The following ORC4 variants were observed in gnomAD, a reference collection of about 807,000 sequenced individuals.
ORC4 encodes origin recognition complex, subunit 4 homolog.
A neutral mutation model predicts 63.9 loss-of-function variants in ORC4; 55 were observed. That is an observed-to-expected ratio of 0.86 (90% CI 0.69 to 1.08). The LOEUF (loss-of-function observed/expected upper bound fraction) is 1.08. Ranked by LOEUF, ORC4 falls within the 50% of genes least tolerant of loss-of-function variation. ORC4 has a pLI of 0.00. For synonymous variants in ORC4, 150 were observed against 168.5 expected, an observed-to-expected ratio of 0.89 and a Z score of 0.85; for missense variants, 511 against 504.4, an observed-to-expected ratio of 1.01 and a Z score of -0.13.
At chr2:147,977,489 C>A (rs562150791) in intron 1 of ORC4, among the ~76,000 whole-genome samples, 50 of 152,318 alleles carry the variant, frequency 3.3e-4, no homozygotes, top group Admixed American at 5.2e-4. Context: ...CAGCCACCCA[C>A]GGACAAAATG....
intron 6 of ORC4, 94 bp downstream of exon 6, chr2:147,958,204 C>A: frequency 2.6e-6 from 2 of 759,242 alleles, no homozygotes; most frequent in Non-Finnish European, 2.2e-6. Flanking sequence ...AATTTCTGAA[C>A]CTCTCCCTAC....
intron 1 of ORC4, among the ~76,000 whole-genome samples, chr2:148,013,666 A>G (rs1269483621): frequency 6.6e-6 from 1 of 152,208 alleles, no homozygotes; most frequent in Non-Finnish European, 1.5e-5. Flanking sequence ...TTGTATGCTT[A>G]TATCAAATAT....
At chr2:148,019,168 A>G (rs1480511270) in intron 1 of ORC4, among the ~76,000 whole-genome samples, 1 of 152,202 alleles carries the variant, frequency 6.6e-6, no homozygotes, top group Non-Finnish European at 1.5e-5. Context: ...TCCATCGGAC[A>G]TGATTACCGT....
chr2:147,961,840 T>C (rs927310526), intron 4 of ORC4, among the ~76,000 whole-genome samples: 1 of 152,218 alleles, frequency 6.6e-6, no homozygotes. Flanking sequence ...TAAATTTCAG[T>C]ACATTGATTA....
chr2:147,952,652 A>G, intron 7 of ORC4, 128 bp from the exon 8 acceptor site: 1 of 742,720 alleles, frequency 1.3e-6, no homozygotes, highest in Non-Finnish European at 2.3e-6. Flanking sequence ...TACTTTGGGT[A>G]GGGGATTTAC....
At chr2:147,968,253 A>C (rs1252505175) in intron 4 of ORC4, among the ~76,000 whole-genome samples, 1 of 152,096 alleles carries the variant, frequency 6.6e-6, no homozygotes, top group Non-Finnish European at 1.5e-5. Context: ...TTATGAATAA[A>C]AACTGCAAAT....
chr2:147,938,842 A>C (rs1688205943), intron 11 of ORC4, among the ~76,000 whole-genome samples: 1 of 152,160 alleles, frequency 6.6e-6, no homozygotes, highest in African/African-American at 2.4e-5. Context: ...AGGAAATAAC[A>C]AACCCAAAAT....
At chr2:147,942,734 T>C (rs565464646) in intron 10 of ORC4, among the ~76,000 whole-genome samples, 2 of 151,946 alleles carry the variant, frequency 1.3e-5, no homozygotes, top group African/African-American at 4.8e-5. Flanking sequence ...ACACTGGAAA[T>C]TCTAGCCATT....
intron 7 of ORC4, among the ~76,000 whole-genome samples, 161 bp downstream of exon 7, chr2:147,955,186 T>C (rs1403401199): frequency 2.0e-5 from 3 of 151,688 alleles, no homozygotes; most frequent in African/African-American, 4.8e-5. Context: ...AGATAATCAC[T>C]GTTATAGTGG....
intron 4 of ORC4, among the ~76,000 whole-genome samples, chr2:147,959,634 T>C (rs567305212): frequency 3.9e-5 from 6 of 152,248 alleles, no homozygotes; most frequent in Middle Eastern, 3.4e-3. Context: ...TATTTGTCAT[T>C]GCAACACCTT....
chr2:147,992,320 G>A (rs1478361318), intron 1 of ORC4, among the ~76,000 whole-genome samples: 3 of 152,094 alleles, frequency 2.0e-5, no homozygotes, highest in African/African-American at 7.2e-5. Context: ...GCAGTGGCAC[G>A]ATAATAGCTC....
intron 2 of ORC4, among the ~76,000 whole-genome samples, chr2:147,974,805 CT>C (rs1357555394): frequency 1.6e-5 from 2 of 127,914 alleles, no homozygotes; most frequent in Non-Finnish European, 3.2e-5. Flanking sequence ...CAATCTTTTC[CT>C]TAAAAAAAAA....
At chr2:147,962,442 G>C (rs895775658) in intron 4 of ORC4, among the ~76,000 whole-genome samples, 1 of 152,118 alleles carries the variant, frequency 6.6e-6, no homozygotes, top group African/African-American at 2.4e-5. Context: ...CCCGCTCTGT[G>C]GGCCAGTAGT....
intron 4 of ORC4, among the ~76,000 whole-genome samples, chr2:147,971,302 ATAT>A (rs1690195468): frequency 1.3e-5 from 2 of 151,760 alleles, no homozygotes; most frequent in Admixed American, 6.6e-5. Context: ...GAAAAGAATA[ATAT>A]TCTTTTAATA....
chr2:147,943,006 A>G lies in ORC4; in HGVS notation c.849+430T>C, dbSNP rs537807163. Among the ~76,000 whole-genome samples the G allele has an allele frequency of 9.9e-5, 15 of 152,282 alleles. No individual in the cohort carries two copies. The South Asian group carries it at 2.5e-3, about 25-fold the overall frequency. ...AATATGTGGGAAACCAAAATTTCAA[A>G]ACCCATTTACAATTGTTCTAACAAA... On this transcript the variant is annotated intron_variant, in intron 10 of 13. Transcript: ENST00000392857.
chr2:147,941,972 T>C (rs1407279519), intron 10 of ORC4, among the ~76,000 whole-genome samples: 1 of 152,108 alleles, frequency 6.6e-6, no homozygotes, highest in Non-Finnish European at 1.5e-5. Context: ...GGGTGAACCA[T>C]ACAGCCAAGT....
chr2:147,961,630 G>C (rs1221187158), intron 4 of ORC4, among the ~76,000 whole-genome samples: 1 of 151,982 alleles, frequency 6.6e-6, no homozygotes, highest in Non-Finnish European at 1.5e-5. Flanking sequence ...GAGTACATCA[G>C]GAATATATGA....
chr2:147,977,486 C>G (rs1015007409), intron 1 of ORC4, among the ~76,000 whole-genome samples: 2 of 152,134 alleles, frequency 1.3e-5, no homozygotes, highest in Admixed American at 6.5e-5. Flanking sequence ...TCACAGCCAC[C>G]CACGGACAAA....
chr2:147,937,628 T>C (rs971554326), intron 13 of ORC4, among the ~76,000 whole-genome samples: 1 of 152,212 alleles, frequency 6.6e-6, no homozygotes, highest in Non-Finnish European at 1.5e-5. Context: ...TTTATTTTTC[T>C]TACAGGTACT....
Sources: allele counts gnomAD v4.1 joint callset (sites outside exome capture counted in the v4.1 genomes callset), GRCh38; gene constraint gnomAD v4.1.1; transcripts MANE v1.5; gene names NCBI Gene and HGNC (gene_info 2026-07-23, HGNC 2026-07-21).